The following BMP10 variants were observed in gnomAD, a reference collection of about 807,000 sequenced individuals.
BMP10 encodes the protein bone morphogenetic protein 10.
Under a neutral mutation model 29.9 loss-of-function variants are expected in BMP10, and 9 were observed. The observed-to-expected ratio is 0.30, with a 90% CI of 0.18 to 0.53. The LOEUF (loss-of-function observed/expected upper bound fraction) is 0.53. BMP10 is among the 20% of genes least tolerant of loss of function. The pLI is 0.96. For missense variants in BMP10, 474 were observed against 524.3 expected (o/e 0.90, Z 0.94); for synonymous variants, 202 against 200.2 (o/e 1.01, Z -0.07).
In BMP10 at chr2:68,865,509, C is replaced by T; in HGVS notation, c.*122G>A. The T allele has an allele frequency of 1.0e-6, 1 of 988,064 alleles. No homozygotes were observed. 61.2% of individuals were successfully genotyped at this position (988,064 alleles called of 1,614,324 possible). A position where few individuals can be genotyped will look rare whatever the true frequency, so the allele number is the denominator to read the frequency against. ...ATATGCATTTCCTACAACAAACTGA[C>T]CTGTCCATTTCCTGAAGGCAGCAAG... On this transcript the variant is annotated 3_prime_UTR_variant, in exon 2 of 2. Transcript: ENST00000295379. This position sits in a 1 kb window ranked among gnomAD's most constrained non-coding sequence, Gnocchi z 4.7.
In BMP10 at chr2:68,861,275, T is replaced by G. The variant is rs990058903; in HGVS notation, c.*4356A>C. Among the ~76,000 whole-genome samples the G allele has an allele frequency of 3.9e-5, 6 of 152,242 alleles. No individual in the cohort carries two copies. The highest frequency in any genetic ancestry group is 1.4e-4 in the African/African-American group (6 of 41,458). On this transcript the variant is annotated 3_prime_UTR_variant, in exon 2 of 2. Transcript: ENST00000295379. ...ATTTCCAATGTCCATGAATGCTCAG[T>G]AGGCGGGCGCTGGCACATTGGCCGC...
In BMP10 at chr2:68,864,144, G is replaced by T. The variant is rs1682910627; in HGVS notation, c.*1487C>A. 6.6e-6 allele frequency among the ~76,000 whole-genome samples: 1 copy of T among 152,144 alleles called. No individual in the cohort carries two copies. The highest frequency in any genetic ancestry group is 2.4e-5 in the African/African-American group (1 of 41,434). On this transcript the variant is annotated 3_prime_UTR_variant, in exon 2 of 2. Coordinates refer to ENST00000295379, the MANE Select transcript of BMP10 (RefSeq NM_014482.3). The stretch of plus-strand genomic sequence containing the variant: ...TCACCACTTTCAGTCCTGGCCAGTT[G>T]CAAAATGGGAAGATGGTAAGATGAG...
In BMP10 at chr2:68,866,581, G is replaced by T. The variant is rs933745971; in HGVS notation, c.335-10C>A. ...GGCTGGGAAAACAGATCTGAAAAAA[G>T]AAATTTGCAAAAATCAGGTTTGCAG... is the stretch of plus-strand genomic sequence containing the variant. On this transcript the variant is annotated splice_polypyrimidine_tract_variant and intron_variant, in intron 1 of 1. Coordinates refer to ENST00000295379, the MANE Select transcript of BMP10 (RefSeq NM_014482.3). The T allele has an allele frequency of 4.4e-6, 7 of 1,595,804 alleles. No homozygotes were observed. Among genetic ancestry groups the T allele is most frequent in the African/African-American group, 1.3e-5 (1 of 74,314 alleles).
rs1163465380 is a variant in BMP10 at position 68,861,181 on chromosome 2, T to A, written c.*4450A>T. Among the ~76,000 whole-genome samples, 2 of 152,206 alleles carry A rather than the reference T, an allele frequency of 1.3e-5. No homozygotes were observed. Among genetic ancestry groups the A allele is most frequent in the Non-Finnish European group, 2.9e-5 (2 of 68,020 alleles). ...ATAACTATACAAATGTGGACATGGA[T>A]AATGAACAGGTTTTACCCCAGAACA... is the stretch of plus-strand genomic sequence containing the variant. On this transcript the variant is annotated 3_prime_UTR_variant, in exon 2 of 2. Transcript: ENST00000295379.
In BMP10 at chr2:68,865,823, T is replaced by C. The variant is rs1339657778; in HGVS notation, c.1083A>G (p.Ala361=). The stretch of plus-strand genomic sequence containing the variant: ...CATGCTTTGTGGGTGTGAGATGCTC[T>C]GCCAGGGGGTAGTTACAAACACCAC... ...ECRGVCNYPL[A]EHLTPTKHAI... Residue 361 remains alanine (A), a synonymous_variant, in exon 2 of 2, where the codon GCA becomes GCG. Coordinates refer to ENST00000295379, the MANE Select transcript of BMP10 (RefSeq NM_014482.3). The surrounding 1 kb of genome is among the most constrained non-coding windows in gnomAD (Gnocchi z 4.7). The C allele has an allele frequency of 5.0e-6, 8 of 1,614,102 alleles. No homozygotes were observed. The highest frequency in any genetic ancestry group is 6.8e-6 in the Non-Finnish European group (8 of 1,179,978).
chr2:68,864,166 T>A lies in BMP10; in HGVS notation c.*1465A>T. On this transcript the variant is annotated 3_prime_UTR_variant, in exon 2 of 2. Coordinates refer to ENST00000295379, the MANE Select transcript of BMP10 (RefSeq NM_014482.3). ...GTTGCAAAATGGGAAGATGGTAAGA[T>A]GAGAAGATGGGAAAGTTACTGGGTT... Among the ~76,000 whole-genome samples, 1 of 152,248 alleles carries A rather than the reference T, an allele frequency of 6.6e-6. No individual in the cohort carries two copies. The highest frequency in any genetic ancestry group is 1.9e-4 in the East Asian group (1 of 5,184).
In BMP10 at chr2:68,866,555, C is replaced by T. The variant is rs372335613; in HGVS notation, c.351G>A (p.Pro117=). The change falls in exon 2 of 2, where the codon CCG becomes CCA. Residue 117 remains proline (P), a synonymous_variant. Transcript: ENST00000295379. ...SFKNEDLFSQ[P]VSFNGLRKYP... The stretch of plus-strand genomic sequence containing the variant: ...ATTTTCGGAGCCCATTAAAACTGAC[C>T]GGCTGGGAAAACAGATCTGAAAAAA... 50 of 1,608,852 alleles carry T rather than the reference C, an allele frequency of 3.1e-5. No homozygotes were observed. The highest frequency in any genetic ancestry group is 2.2e-4 in the South Asian group (20 of 90,890).
intron 1 of BMP10, among the ~76,000 whole-genome samples, chr2:68,867,347 C>T (rs1467558971): frequency 6.6e-6 from 1 of 152,164 alleles, no homozygotes; most frequent in African/African-American, 2.4e-5. Flanking sequence ...AATAAGACAG[C>T]CATAAACCAA....
rs1330050606 is a variant in BMP10 at position 68,862,100 on chromosome 2, T to G, written c.*3531A>C. ...CTCTCACAGCCTGACAATATTTGCT[T>G]CTCATGATAAACTGACAACATCACT... On this transcript the variant is annotated 3_prime_UTR_variant, in exon 2 of 2. Transcript: ENST00000295379. Among the ~76,000 whole-genome samples, 1 of 152,220 alleles carries G rather than the reference T, an allele frequency of 6.6e-6. No individual in the cohort carries two copies. Among genetic ancestry groups the G allele is most frequent in the African/African-American group, 2.4e-5 (1 of 41,456 alleles).
Position 68,865,571 on chromosome 2 carries a change from T to G in BMP10, c.*60A>C. On this transcript the variant is annotated 3_prime_UTR_variant, in exon 2 of 2. Coordinates refer to ENST00000295379, the MANE Select transcript of BMP10 (RefSeq NM_014482.3). This position sits in a 1 kb window ranked among gnomAD's most constrained non-coding sequence, Gnocchi z 4.7. ...GTACACCCTTATTAAATAATCTCAT[T>G]AAATAGGAACACCAAATATACACAT... 1.3e-6 allele frequency: 2 copies of G among 1,496,984 alleles called. No individual in the cohort carries two copies. Among genetic ancestry groups the G allele is most frequent in the South Asian group, 2.5e-5 (2 of 81,354 alleles). The allele number at this position is 1,496,984 out of a possible 1,614,324, so 92.7% of individuals were successfully genotyped here. A position where few individuals can be genotyped will look rare whatever the true frequency, so the allele number is the denominator to read the frequency against.
chr2:68,867,835 A>G (rs1474723049), intron 1 of BMP10, among the ~76,000 whole-genome samples: 2 of 152,168 alleles, frequency 1.3e-5, no homozygotes, highest in South Asian at 2.1e-4. Context: ...TAATTATTTT[A>G]TACTTATTAT....
rs1683062029 is a variant in BMP10, at chr2:68,871,302, A to T, written c.57T>A (p.Val19=). The change falls in exon 1 of 2, where the codon GTT becomes GTA. Residue 19 remains valine, a synonymous_variant. Coordinates refer to ENST00000295379, the MANE Select transcript of BMP10 (RefSeq NM_014482.3). ...CALFCLAAYL[V]SGSPIMNLEQ... ...CTAGGTTCATGATGGGGCTGCCAGAAACCAAGTAAGCTGCCAGGCAGAAAA... is the reference window on the plus strand; with the variant it reads ...CTAGGTTCATGATGGGGCTGCCAGATACCAAGTAAGCTGCCAGGCAGAAAA... 1 of 1,614,042 alleles carries T rather than the reference A, an allele frequency of 6.2e-7. No homozygotes were observed. Among genetic ancestry groups the T allele is most frequent in the East Asian group, 2.2e-5 (1 of 44,892 alleles).
rs2103799142 is a variant in BMP10, at chr2:68,861,293, T to C, written c.*4338A>G. Among the ~76,000 whole-genome samples, 1 of 152,308 alleles carries C rather than the reference T, an allele frequency of 6.6e-6. No individual in the cohort carries two copies. The highest frequency in any genetic ancestry group is 3.4e-3 in the Middle Eastern group (1 of 294). On this transcript the variant is annotated 3_prime_UTR_variant, in exon 2 of 2. Transcript: ENST00000295379. Reference sequence around the variant, plus strand: ...TGCTCAGTAGGCGGGCGCTGGCACATTGGCCGCCCCACCACTATCAAGCCA... The same window carrying C: ...TGCTCAGTAGGCGGGCGCTGGCACACTGGCCGCCCCACCACTATCAAGCCA...
In BMP10 at chr2:68,862,894, A is replaced by C. The variant is rs569126387; in HGVS notation, c.*2737T>G. Among the ~76,000 whole-genome samples the C allele has an allele frequency of 3.9e-5, 6 of 152,332 alleles. No homozygotes were observed. In the East Asian group the frequency reaches 1.2e-3, roughly 29 times the overall value. On this transcript the variant is annotated 3_prime_UTR_variant, in exon 2 of 2. Transcript: ENST00000295379. ...GGGAAGCAGAAAATCATAGAAATGC[A>C]GGTTTACATCTGGATGGGCAGAAAG...
intron 1 of BMP10, among the ~76,000 whole-genome samples, chr2:68,869,423 G>A (rs1683029546): frequency 1.3e-5 from 2 of 152,190 alleles, no homozygotes; most frequent in South Asian, 4.1e-4. Context: ...CCTGCAGACT[G>A]GCAGAGGTGC....
chr2:68,870,327 T>C (rs1244651483), intron 1 of BMP10, among the ~76,000 whole-genome samples: 2 of 152,168 alleles, frequency 1.3e-5, no homozygotes, highest in Non-Finnish European at 1.5e-5. Flanking sequence ...TTTAAAGACC[T>C]AAGAGAAGAA....
In BMP10 at chr2:68,864,693, C is replaced by T. The variant is rs1682919993; in HGVS notation, c.*938G>A. 6.6e-6 allele frequency among the ~76,000 whole-genome samples: 1 copy of T among 152,198 alleles called. No individual in the cohort carries two copies. Among genetic ancestry groups the T allele is most frequent in the African/African-American group, 2.4e-5 (1 of 41,442 alleles). On this transcript the variant is annotated 3_prime_UTR_variant, in exon 2 of 2. Transcript: ENST00000295379. ...CAACAGACAGACCCCTTCTGATTTT[C>T]CTCCTCTTAGTCTTTGATACTTCTA...
rs1558686829 is a variant in BMP10 at position 68,871,310 on chromosome 2, A to T, written c.49T>A (p.Tyr17Asn). 4 of 1,614,124 alleles carry T rather than the reference A, an allele frequency of 2.5e-6. No individual in the cohort carries two copies. In the Middle Eastern group the frequency reaches 4.9e-4, roughly 200 times the overall value. The change falls in exon 1 of 2, where the codon TAC becomes AAC. Residue 17 changes from tyrosine (Y) to asparagine (N), a missense_variant. By Grantham distance (143) the Tyr-to-Asn change is moderately radical (BLOSUM62 -2). Around this residue, in one of 2 missense-constraint regions of BMP10, gnomAD observed 408 missense variants for 415.3 expected, o/e 0.98. Transcript: ENST00000295379. Reference sequence around the variant, plus strand: ...ATGATGGGGCTGCCAGAAACCAAGTAAGCTGCCAGGCAGAAAAGAGCGCAC... The same window carrying T: ...ATGATGGGGCTGCCAGAAACCAAGTTAGCTGCCAGGCAGAAAAGAGCGCAC... ...TLCALFCLAA[Y>N]LVSGSPIMNL...
In BMP10 at chr2:68,861,817, T is replaced by C. The variant is rs1245670459; in HGVS notation, c.*3814A>G. Among the ~76,000 whole-genome samples the C allele has an allele frequency of 6.6e-6, 1 of 152,212 alleles. No individual in the cohort carries two copies. Among genetic ancestry groups the C allele is most frequent in the African/African-American group, 2.4e-5 (1 of 41,460 alleles). On this transcript the variant is annotated 3_prime_UTR_variant, in exon 2 of 2. Coordinates refer to ENST00000295379, the MANE Select transcript of BMP10 (RefSeq NM_014482.3). ...AGTTCTTAAAAAAAAAAGGTTTTTG[T>C]CATTAATTCCCCGGACCAAAATTTA...
Sources: allele counts gnomAD v4.1 joint callset (sites outside exome capture counted in the v4.1 genomes callset), GRCh38; gene constraint gnomAD v4.1.1; regional missense constraint gnomAD v4.1.1; non-coding constraint Gnocchi (gnomAD v3.1); transcripts MANE v1.5; gene names NCBI Gene and HGNC (gene_info 2026-07-23, HGNC 2026-07-21).